The following ZNF34 variants were observed in gnomAD, a reference collection of about 807,000 sequenced individuals.
ZNF34 encodes the protein zinc finger protein 34.
Under a neutral mutation model 14.4 loss-of-function variants are expected in ZNF34, and 8 were observed. The observed-to-expected ratio is 0.55, with a 90% CI of 0.33 to 1.00. The LOEUF (loss-of-function observed/expected upper bound fraction) is 1.00. Among genes scored for constraint, ZNF34 ranks in the 50% least tolerant of loss-of-function variants. The pLI is 0.03. For synonymous variants in ZNF34, 235 were observed against 247.9 expected (o/e 0.95, Z 0.49); for missense variants, 538 against 674.2 (o/e 0.80, Z 2.24).
rs750098218 is a variant in ZNF34 at position 144,774,510 on chromosome 8, G to T, written c.376C>A (p.His126Asn). Reference sequence around the variant, plus strand: ...AGGCTCCCCTCTGACTTACTGATGTGGTCACAGGCTTCTACTGGCTCAGAT... The same window carrying T: ...AGGCTCCCCTCTGACTTACTGATGTTGTCACAGGCTTCTACTGGCTCAGAT... The part of the protein sequence containing the change: ...QGSEPVEACD[H>N]ISKSEGSLEK... Residue 126 changes from histidine to asparagine, a missense_variant, in exon 6 of 6, where the codon CAC becomes AAC. Coordinates refer to ENST00000429371, the MANE Select transcript of ZNF34 (RefSeq NM_001286769.2). 2.5e-6 allele frequency: 4 copies of T among 1,613,794 alleles called. No individual in the cohort carries two copies. In the Admixed American group the frequency reaches 6.7e-5, roughly 27 times the overall value.
At chr8:144,783,906 T>C (rs1826053455) in intron 1 of ZNF34, among the ~76,000 whole-genome samples, 1 of 152,230 alleles carries the variant, frequency 6.6e-6, no homozygotes, top group Admixed American at 6.5e-5. Flanking sequence ...GGCTCACGCC[T>C]ATAATCCCAG....
intron 5 of ZNF34, among the ~76,000 whole-genome samples, chr8:144,775,604 T>C (rs1017587617): frequency 6.6e-6 from 1 of 152,110 alleles, no homozygotes; most frequent in Non-Finnish European, 1.5e-5. Context: ...AGATGCCCTG[T>C]GTGAGTCTAC....
chr8:144,784,717 C>T (rs928750876), intron 1 of ZNF34, among the ~76,000 whole-genome samples: 4 of 151,742 alleles, frequency 2.6e-5, no homozygotes, highest in Non-Finnish European at 5.9e-5. Context: ...AAGATCACGC[C>T]ACTGCACTCC....
Position 144,777,320 on chromosome 8 carries a change from G to A in ZNF34, c.280+138C>T, listed in dbSNP as rs1406630350. The A allele has an allele frequency of 1.4e-5, 17 of 1,218,002 alleles. No homozygotes were observed. The highest frequency in any genetic ancestry group is 1.8e-5 in the Non-Finnish European group (16 of 898,676). 75.4% of individuals were successfully genotyped at this position (1,218,002 alleles called of 1,614,324 possible). A position where few individuals can be genotyped will look rare whatever the true frequency, so the allele number is the denominator to read the frequency against. Reference sequence around the variant, plus strand: ...ACTGAGAGGGGTCACCTGGGCTTCAGCAAAGGCCACTGTCAGGCCTCCTGT... The same window carrying A: ...ACTGAGAGGGGTCACCTGGGCTTCAACAAAGGCCACTGTCAGGCCTCCTGT... On this transcript the variant is annotated intron_variant, in intron 5 of 5. Coordinates refer to ENST00000429371, the MANE Select transcript of ZNF34 (RefSeq NM_001286769.2). This position sits in a 1 kb window ranked among gnomAD's most constrained non-coding sequence, Gnocchi z 4.8.
In ZNF34 at chr8:144,772,412, T is replaced by C. The variant is rs1481617738; in HGVS notation, c.*854A>G. On this transcript the variant is annotated 3_prime_UTR_variant, in exon 6 of 6. Transcript: ENST00000429371. Reference sequence around the variant, plus strand: ...CAGTGATGATGGTTACACAACACCATGAATGTACTTAATGCCACTGAATTG... The same window carrying C: ...CAGTGATGATGGTTACACAACACCACGAATGTACTTAATGCCACTGAATTG... 6.6e-6 allele frequency among the ~76,000 whole-genome samples: 1 copy of C among 152,200 alleles called. No individual in the cohort carries two copies. The highest frequency in any genetic ancestry group is 1.5e-5 in the Non-Finnish European group (1 of 68,032).
chr8:144,776,911 CAAAAAA>C (rs149216566), intron 5 of ZNF34, among the ~76,000 whole-genome samples: 5 of 100,912 alleles, frequency 5.0e-5, no homozygotes, highest in Admixed American at 1.0e-4. Flanking sequence ...GACCCTGTCT[CAAAAAA>C]AAAAAAAAAA....
chr8:144,783,900 C>G (rs1163103203), intron 1 of ZNF34, among the ~76,000 whole-genome samples: 1 of 152,230 alleles, frequency 6.6e-6, no homozygotes, highest in African/African-American at 2.4e-5. Flanking sequence ...CGCAGTGGCT[C>G]ACGCCTATAA....
At chr8:144,782,791 C>T (rs189632662) in intron 1 of ZNF34, among the ~76,000 whole-genome samples, 1 of 116,392 alleles carries the variant, frequency 8.6e-6, no homozygotes, top group African/African-American at 3.5e-5. Context: ...GAATCAAGAT[C>T]GTACCACTGC....
At chr8:144,786,201 T>A (rs1826225101) in intron 1 of ZNF34, among the ~76,000 whole-genome samples, 1 of 151,752 alleles carries the variant, frequency 6.6e-6, no homozygotes, top group Admixed American at 6.6e-5. Flanking sequence ...TTAGCCAGGA[T>A]GGTCTCGATC....
Position 144,774,500 on chromosome 8 carries a change from T to C in ZNF34, c.386A>G (p.Lys129Arg), listed in dbSNP as rs780909634. 46 of 1,613,904 alleles carry C rather than the reference T, an allele frequency of 2.9e-5. No individual in the cohort carries two copies. The highest frequency in any genetic ancestry group is 3.3e-4 in the Middle Eastern group (2 of 6,084). ...TAGCTTTTCCAGGCTCCCCTCTGAC[T>C]TACTGATGTGGTCACAGGCTTCTAC... ...EPVEACDHIS[K>R]SEGSLEKLVE... is the part of the protein sequence containing the mutation. The change falls in exon 6 of 6, where the codon AAG becomes AGG. Residue 129 changes from lysine (K) to arginine (R), a missense_variant. Around this residue, in one of 3 missense-constraint regions of ZNF34, gnomAD observed 431 missense variants for 525.7 expected, o/e 0.82. Transcript: ENST00000429371.
Position 144,773,217 on chromosome 8 carries a change from C to T in ZNF34, c.*49G>A, listed in dbSNP as rs1382557032. ...AGGGCAGAGTCAGGTGCCGGGGGCG[C>T]ATGCAGGAAGTGCTCAGCTGGACTC... On this transcript the variant is annotated 3_prime_UTR_variant, in exon 6 of 6. Transcript: ENST00000429371. This position sits in a 1 kb window ranked among gnomAD's most constrained non-coding sequence, Gnocchi z 5.4. The T allele has an allele frequency of 6.5e-7, 1 of 1,538,242 alleles. No homozygotes were observed. The highest frequency in any genetic ancestry group is 1.4e-5 in the African/African-American group (1 of 73,172).
At position 144,774,004 on chromosome 8, in the gene ZNF34, T is replaced by C; in HGVS notation, c.882A>G (p.Thr294=). The change falls in exon 6 of 6, where the codon ACA becomes ACG. Residue 294 remains threonine, a synonymous_variant. Coordinates refer to ENST00000429371, the MANE Select transcript of ZNF34 (RefSeq NM_001286769.2). Reference sequence around the variant, plus strand: ...TCATGAGGTTGGGCCTCCGGGTGAATGTCTTCCCACACTCGTCACACCGGT... The same window carrying C: ...TCATGAGGTTGGGCCTCCGGGTGAACGTCTTCCCACACTCGTCACACCGGT... ...IPYRCDECGK[T]FTRRPNLMKH... 6.2e-7 allele frequency: 1 copy of C among 1,613,894 alleles called. No homozygotes were observed.
At position 144,774,750 on chromosome 8, in the gene ZNF34, AG is replaced by A. The variant is rs1266546945; in HGVS notation, c.281-146del. The A allele has an allele frequency of 1.7e-5, 16 of 928,148 alleles. No homozygotes were observed. In the Admixed American group the frequency reaches 3.9e-4, roughly 23 times the overall value. The allele number at this position is 928,148 out of a possible 1,614,324, so 57.5% of individuals were successfully genotyped here. A position where few individuals can be genotyped will look rare whatever the true frequency, so the allele number is the denominator to read the frequency against. Reference sequence around the variant, plus strand: ...GCAAAGATAAGAGCCTGGAGCTCAGAGGCTTATGCAGCTCACCTGGGGCCAC... The same window carrying A: ...GCAAAGATAAGAGCCTGGAGCTCAGAGCTTATGCAGCTCACCTGGGGCCAC... On this transcript the variant is annotated intron_variant, in intron 5 of 5. Transcript: ENST00000429371.
At position 144,778,125 on chromosome 8, in the gene ZNF34, G is replaced by C. The variant is rs772549424; in HGVS notation, c.73C>G (p.Arg25Gly). 13 of 1,613,874 alleles carry C rather than the reference G, an allele frequency of 8.1e-6. No homozygotes were observed. The highest frequency in any genetic ancestry group is 1.0e-5 in the Non-Finnish European group (12 of 1,179,890). Residue 25 changes from arginine to glycine, a missense_variant, in exon 4 of 6, where the codon CGG becomes GGG. Arg to Gly is a moderately radical substitution (Grantham distance 125). Around this residue, in one of 3 missense-constraint regions of ZNF34, gnomAD observed 431 missense variants for 525.7 expected, o/e 0.82. Transcript: ENST00000429371. ...GGGCCCAGGCGGCCCCATTCCTCCC[G>C]GGAGAGGTACACAGCCACGTCCTCG... is the stretch of plus-strand genomic sequence containing the variant. ...TFEDVAVYLS[R>G]EEWGRLGPAQ...
intron 1 of ZNF34, among the ~76,000 whole-genome samples, chr8:144,782,635 C>T (rs1825959480): frequency 6.6e-6 from 1 of 151,376 alleles, no homozygotes; most frequent in Non-Finnish European, 1.5e-5. Context: ...CCCAGGAGTT[C>T]AAGACCAGCC....
chr8:144,782,346 C>T (rs930679889), intron 1 of ZNF34, among the ~76,000 whole-genome samples: 3 of 140,210 alleles, frequency 2.1e-5, no homozygotes, highest in African/African-American at 6.4e-5. Flanking sequence ...AAAACTTAGC[C>T]GGGCATGGTG....
At chr8:144,778,572 T>C (rs1016819315) in intron 2 of ZNF34, 47 bp from the exon 3 acceptor site, 1 of 1,441,548 alleles carries the variant, frequency 6.9e-7, no homozygotes, top group Non-Finnish European at 9.3e-7. Flanking sequence ...TGGCCCCTTC[T>C]TCCACAGCTC....
chr8:144,785,934 G>A (rs891403118), intron 1 of ZNF34, among the ~76,000 whole-genome samples: 10 of 150,174 alleles, frequency 6.7e-5, no homozygotes, highest in African/African-American at 2.4e-4. Flanking sequence ...ATAAGGCTGA[G>A]AAAAACTGTC....
At chr8:144,785,106 CAAAAAAA>C (rs749277788) in intron 1 of ZNF34, among the ~76,000 whole-genome samples, 350 of 50,054 alleles carry the variant, frequency 7.0e-3, no homozygotes, top group Non-Finnish European at 1.0e-2. Context: ...CAGACCCTGC[CAAAAAAA>C]AAAAAAAAAA....
Sources: gnomAD v4.1 joint callset for allele counts (sites outside exome capture counted in the v4.1 genomes callset) on GRCh38, gnomAD v4.1.1 for gene constraint, gnomAD v4.1.1 regional missense constraint, Gnocchi (gnomAD v3.1) non-coding constraint, MANE v1.5 for transcripts, NCBI Gene and HGNC (gene_info 2026-07-23, HGNC 2026-07-21) for gene names.